The following CPEB1 variants were observed in gnomAD, a reference collection of about 807,000 sequenced individuals.
CPEB1 encodes cytoplasmic polyadenylation element-binding protein 1.
Under a neutral mutation model 65.8 loss-of-function variants are expected in CPEB1, and 7 were observed. That is an observed-to-expected ratio of 0.11 (90% CI 0.06 to 0.20). CPEB1 has a LOEUF of 0.20. Among genes scored for constraint, CPEB1 ranks in the 10% least tolerant of loss-of-function variants. CPEB1 has a pLI of 1.00. For synonymous variants in CPEB1, 262 were observed against 260.0 expected (o/e 1.01, Z -0.08); for missense variants, 551 against 712.2 (o/e 0.77, Z 2.58).
intron 3 of CPEB1, among the ~76,000 whole-genome samples, chr15:82,624,685 C>T (rs1469628157): frequency 1.3e-5 from 2 of 152,156 alleles, no homozygotes; most frequent in African/African-American, 4.8e-5. Flanking sequence ...CTCTGGAAAG[C>T]TCCTCTCCCA....
At chr15:82,648,108 C>T (rs925059002), upstream of CPEB1, 18 of 365,596 alleles carry the variant, frequency 4.9e-5, no homozygotes, top group African/African-American at 3.4e-4. Context: ...TCCTAGCAGG[C>T]CGAGCCGAGG....
At chr15:82,611,862 A>G (rs783522) in intron 3 of CPEB1, among the ~76,000 whole-genome samples, 74,982 of 151,136 alleles carry the variant, frequency 0.5, 19,180 homozygotes, top group African/African-American at 0.64. Context: ...CGGGGGAGGG[A>G]GGGATCAAAG....
chr15:82,556,791 G>A (rs576534794), intron 5 of CPEB1, among the ~76,000 whole-genome samples: 25 of 152,334 alleles, frequency 1.6e-4, no homozygotes, highest in African/African-American at 5.8e-4. Flanking sequence ...GAGAAGCAAA[G>A]AGACCCGCAT....
intron 3 of CPEB1, 80 bp from the exon 4 acceptor site, chr15:82,571,612 A>G (rs2040043290): frequency 1.3e-6 from 2 of 1,514,382 alleles, no homozygotes; most frequent in Admixed American, 2.2e-5. Flanking sequence ...AATATTATTA[A>G]TAATAGTTTC....
chr15:82,553,421 G>C lies in CPEB1; in HGVS notation c.1144+46C>G, dbSNP rs796722778. 9 of 1,474,344 alleles carry C rather than the reference G, an allele frequency of 6.1e-6. No homozygotes were observed. The African/African-American group carries it at 9.7e-5, about 16-fold the overall frequency. 91.3% of individuals were successfully genotyped at this position (1,474,344 alleles called of 1,614,324 possible). On this transcript the variant is annotated intron_variant, in intron 8 of 12. Coordinates refer to ENST00000684509, the MANE Select transcript of CPEB1 (RefSeq NM_001365242.1). Reference sequence around the variant, plus strand: ...AGGTGCAGTTATGTACTAGGGAAGGGAAAAAAAAGCTCCTACCATGTCTTT... The same window carrying C: ...AGGTGCAGTTATGTACTAGGGAAGGCAAAAAAAAGCTCCTACCATGTCTTT...
intron 3 of CPEB1, among the ~76,000 whole-genome samples, chr15:82,613,810 G>C (rs112790205): frequency 1.4e-5 from 2 of 145,626 alleles, no homozygotes; most frequent in Admixed American, 1.4e-4. Flanking sequence ...AGCTCCCCCC[G>C]GGGAGAGAGA....
chr15:82,602,497 T>C (rs146997249), intron 3 of CPEB1, among the ~76,000 whole-genome samples: 1 of 152,098 alleles, frequency 6.6e-6, no homozygotes, highest in African/African-American at 2.4e-5. Flanking sequence ...TACAGTAAGG[T>C]ATGATTGTGC....
chr15:82,623,518 A>T (rs2045496085), intron 3 of CPEB1, among the ~76,000 whole-genome samples: 1 of 152,102 alleles, frequency 6.6e-6, no homozygotes, highest in South Asian at 2.1e-4. Context: ...ATCTCTACTA[A>T]TACAAAAATT....
intron 12 of CPEB1, 31 bp downstream of exon 12, chr15:82,546,410 A>G (rs1428930944): frequency 1.7e-5 from 27 of 1,577,148 alleles, no homozygotes; most frequent in Non-Finnish European, 2.4e-5. Flanking sequence ...TTTTTAATAG[A>G]GGGCAGGGAC....
chr15:82,638,610 T>G (rs1423732130), intron 1 of CPEB1: 1 of 152,140 alleles, frequency 6.6e-6, no homozygotes, highest in African/African-American at 2.4e-5. Flanking sequence ...CAAAGTTGAA[T>G]AACCATAGTT....
chr15:82,596,896 T>TA (rs1369048016), intron 3 of CPEB1, among the ~76,000 whole-genome samples: 1 of 152,164 alleles, frequency 6.6e-6, no homozygotes, highest in Admixed American at 6.5e-5. Flanking sequence ...AGGCTTAAGA[T>TA]ACCAGGATGA....
chr15:82,593,357 T>G (rs957575892), intron 3 of CPEB1, among the ~76,000 whole-genome samples: 3 of 152,258 alleles, frequency 2.0e-5, no homozygotes, highest in Admixed American at 1.3e-4. Flanking sequence ...TCACAGCATC[T>G]GCACCAGGAG....
intron 3 of CPEB1, among the ~76,000 whole-genome samples, chr15:82,598,906 A>G (rs1567211356): frequency 6.6e-6 from 1 of 152,208 alleles, no homozygotes; most frequent in East Asian, 1.9e-4. Context: ...CATAAAACCT[A>G]TACCTTTCCC....
At chr15:82,590,337 T>C (rs541744175) in intron 3 of CPEB1, among the ~76,000 whole-genome samples, 7 of 151,886 alleles carry the variant, frequency 4.6e-5, no homozygotes, top group South Asian at 2.1e-4. Context: ...CTTGGTCACA[T>C]ATTTAAATTA....
intron 3 of CPEB1, among the ~76,000 whole-genome samples, chr15:82,602,955 A>G (rs1353378212): frequency 6.6e-6 from 1 of 152,246 alleles, no homozygotes; most frequent in Non-Finnish European, 1.5e-5. Flanking sequence ...ACCAATGAGA[A>G]CACTAGCAAA....
chr15:82,557,705 G>A, intron 5 of CPEB1, 55 bp downstream of exon 5: 4 of 1,481,292 alleles, frequency 2.7e-6, no homozygotes, highest in Non-Finnish European at 2.8e-6. Flanking sequence ...CCTTCCCCTT[G>A]GACACACACA....
intron 3 of CPEB1, among the ~76,000 whole-genome samples, chr15:82,617,735 T>G (rs986778708): frequency 7.7e-6 from 1 of 129,158 alleles, no homozygotes. Flanking sequence ...TTTTTTTTTT[T>G]TTTTTTTTTT....
chr15:82,614,859 G>A (rs969477802), intron 3 of CPEB1, among the ~76,000 whole-genome samples: 3 of 105,046 alleles, frequency 2.9e-5, no homozygotes, highest in Admixed American at 9.5e-5. Context: ...GTGTGTGTGT[G>A]TGTGTGTGTG....
At chr15:82,563,353 TA>T (rs2151006232) in intron 4 of CPEB1, among the ~76,000 whole-genome samples, 3 of 139,354 alleles carry the variant, frequency 2.2e-5, no homozygotes, top group East Asian at 2.1e-4. Context: ...AGATCATCTC[TA>T]TTCTTTTTTT....
Sources: gnomAD v4.1 joint callset for allele counts (sites outside exome capture counted in the v4.1 genomes callset) on GRCh38, gnomAD v4.1.1 for gene constraint, MANE v1.5 for transcripts, NCBI Gene and HGNC (gene_info 2026-07-23, HGNC 2026-07-21) for gene names.